The following MYOCD variants were observed in gnomAD, a reference collection of about 807,000 sequenced individuals.
The protein encoded by MYOCD is myocardin.
MYOCD carries 32 observed loss-of-function variants against 96.1 expected under a neutral mutation model. The ratio of observed to expected loss-of-function variants is 0.33; its 90% CI spans 0.25 to 0.45. The LOEUF (loss-of-function observed/expected upper bound fraction) is 0.45, where lower values mean the gene tolerates loss of function less well. Ranked by LOEUF, MYOCD falls within the 20% of genes least tolerant of loss-of-function variation. The pLI is 1.00. For synonymous variants in MYOCD, 469 were observed against 469.0 expected, an observed-to-expected ratio of 1.00 and a Z score of 0.00; for missense variants, 1,133 against 1,200.6, an observed-to-expected ratio of 0.94 and a Z score of 0.83.
chr17:12,754,706 G>A (rs9902289), intron 10 of MYOCD, among the ~76,000 whole-genome samples: 120,837 of 152,166 alleles, frequency 0.79, 50,098 homozygotes, highest in Non-Finnish European at 0.92. Flanking sequence ...GAAAGCCTAT[G>A]TAAGTCAAGT....
intron 4 of MYOCD, among the ~76,000 whole-genome samples, chr17:12,722,408 C>A (rs1001051202): frequency 3.3e-5 from 5 of 152,186 alleles, no homozygotes; most frequent in African/African-American, 4.8e-5. Flanking sequence ...TCGGTCACAG[C>A]ATTGACTAGT....
chr17:12,761,080 T>A (rs371133294), intron 13 of MYOCD: 1 of 175,936 alleles, frequency 5.7e-6, no homozygotes, highest in African/African-American at 2.3e-5. Context: ...CATTTTGTGC[T>A]ACCTACTCAA....
At chr17:12,703,592 C>A (rs1265769726) in intron 1 of MYOCD, among the ~76,000 whole-genome samples, 1 of 152,002 alleles carries the variant, frequency 6.6e-6, no homozygotes, top group African/African-American at 2.4e-5. Context: ...TGACATTAAT[C>A]TGCTCCACTT....
intron 1 of MYOCD, among the ~76,000 whole-genome samples, chr17:12,700,924 G>A (rs2031041463): frequency 6.6e-6 from 1 of 152,048 alleles, no homozygotes; most frequent in East Asian, 1.9e-4. Context: ...GTGTGGGGGG[G>A]TTATAATAAT....
At chr17:12,757,178 T>C (rs1007472445) in intron 11 of MYOCD, among the ~76,000 whole-genome samples, 1 of 152,072 alleles carries the variant, frequency 6.6e-6, no homozygotes, top group African/African-American at 2.4e-5. Flanking sequence ...AAGGAAGAGA[T>C]ATCACCCTTC....
chr17:12,742,576 A>T (rs980837670), intron 7 of MYOCD, among the ~76,000 whole-genome samples: 68 of 146,962 alleles, frequency 4.6e-4, no homozygotes, highest in Admixed American at 3.7e-3. Context: ...TTTGAAAATT[A>T]TTTTTTTTTT....
At chr17:12,738,682 T>C (rs549423501) in intron 6 of MYOCD, among the ~76,000 whole-genome samples, 16 of 151,994 alleles carry the variant, frequency 1.1e-4, no homozygotes, top group African/African-American at 3.6e-4. Flanking sequence ...ACACACACTT[T>C]CCCTTTTTCT....
chr17:12,743,025 G>A (rs896944391), intron 7 of MYOCD, among the ~76,000 whole-genome samples: 2 of 152,012 alleles, frequency 1.3e-5, no homozygotes, highest in Admixed American at 1.3e-4. Context: ...TCTTTATATT[G>A]ATTAGTGAGA....
chr17:12,750,831 T>A (rs1277514771), intron 9 of MYOCD, among the ~76,000 whole-genome samples: 1 of 152,248 alleles, frequency 6.6e-6, no homozygotes, highest in Non-Finnish European at 1.5e-5. Flanking sequence ...CATACATTAC[T>A]GTCCATATTT....
At chr17:12,666,375 T>C (rs1909376761) in intron 1 of MYOCD, 132 bp downstream of exon 1, 1 of 701,626 alleles carries the variant, frequency 1.4e-6, no homozygotes, top group Admixed American at 2.4e-5. Flanking sequence ...AAGCACATTG[T>C]GGAAGCGAAG....
At chr17:12,758,043 A>T (rs755763305) in intron 11 of MYOCD, 42 bp from the exon 12 acceptor site, 30 of 1,420,476 alleles carry the variant, frequency 2.1e-5, no homozygotes, top group Non-Finnish European at 2.7e-5. Flanking sequence ...ATAATTTCAG[A>T]TCCATGAATT....
rs202021197 is a variant in MYOCD at position 12,756,475 on chromosome 17, C to A, written c.2120C>A (p.Pro707Gln). ...TCTCCCCATTCTTCCAGCCTCCACC[C>A]GCCCTTCTCTGGAGCCCAAGCAGAC... ...SFSPHSSSLH[P>Q]PFSGAQADSS... Residue 707 changes from proline (P) to glutamine (Q), a missense_variant, in exon 11 of 14, where the codon CCG becomes CAG. By Grantham distance (76) the Pro-to-Gln change is moderately conservative. Coordinates refer to ENST00000425538, the MANE Select transcript of MYOCD (RefSeq NM_001146312.3). 7.7e-6 allele frequency: 12 copies of A among 1,551,976 alleles called. No homozygotes were observed. Among genetic ancestry groups the A allele is most frequent in the Non-Finnish European group, 1.0e-5 (12 of 1,147,084 alleles).
intron 5 of MYOCD, among the ~76,000 whole-genome samples, chr17:12,729,641 G>A (rs574723094): frequency 1.3e-5 from 2 of 151,936 alleles, no homozygotes; most frequent in African/African-American, 4.8e-5. Flanking sequence ...GCAATGGCGC[G>A]ATCTCTGCTC....
rs1909346961 is a variant in MYOCD at position 12,665,923 on chromosome 17, G to A, written c.-266G>A. 2.0e-6 allele frequency: 1 copy of A among 509,254 alleles called. No individual in the cohort carries two copies. The highest frequency in any genetic ancestry group is 3.4e-5 in the Admixed American group (1 of 29,382). 31.5% of individuals were successfully genotyped at this position (509,254 alleles called of 1,614,324 possible). A position where few individuals can be genotyped will look rare whatever the true frequency, so the allele number is the denominator to read the frequency against. ...GCAGCCTATGACATCAGACAGGAAC[G>A]CCTGGGATGCCGCGCTGCTCCTGGC... On this transcript the variant is annotated 5_prime_UTR_variant, in exon 1 of 14. Coordinates refer to ENST00000425538, the MANE Select transcript of MYOCD (RefSeq NM_001146312.3). The surrounding 1 kb of genome is among the most constrained non-coding windows in gnomAD (Gnocchi z 4.2).
At position 12,670,298 on chromosome 17, in the gene MYOCD, C is replaced by T. The variant is rs187056124; in HGVS notation, c.55+4055C>T. 3.7e-3 allele frequency among the ~76,000 whole-genome samples: 557 copies of T among 152,302 alleles called. 3 individuals are homozygous for T. The highest frequency in any genetic ancestry group is 5.7e-3 in the Non-Finnish European group (388 of 68,014). On this transcript the variant is annotated intron_variant, in intron 1 of 13. Transcript: ENST00000425538. ...GGCCCCTGGTGCCTGTAATTGGTTGCTTGTCCTTTCAGAGAGGGCAAGGGA... is the reference window on the plus strand; with the variant it reads ...GGCCCCTGGTGCCTGTAATTGGTTGTTTGTCCTTTCAGAGAGGGCAAGGGA...
At chr17:12,692,550 A>G (rs964734079) in intron 1 of MYOCD, among the ~76,000 whole-genome samples, 1 of 152,160 alleles carries the variant, frequency 6.6e-6, no homozygotes, top group Non-Finnish European at 1.5e-5. Context: ...AGTTAAATCT[A>G]TGTTTTCCGT....
At chr17:12,730,709 G>T (rs2032145711) in intron 5 of MYOCD, among the ~76,000 whole-genome samples, 1 of 152,096 alleles carries the variant, frequency 6.6e-6, no homozygotes, top group Non-Finnish European at 1.5e-5. Flanking sequence ...TCTCCCTTAG[G>T]ACACAAATTT....
chr17:12,691,058 G>C (rs1429288027), intron 1 of MYOCD, among the ~76,000 whole-genome samples: 1 of 152,140 alleles, frequency 6.6e-6, no homozygotes, highest in African/African-American at 2.4e-5. Flanking sequence ...TGCACATTCG[G>C]TAATGACCTT....
At chr17:12,758,286 C>T in intron 12 of MYOCD, 73 bp downstream of exon 12, 2 of 1,598,500 alleles carry the variant, frequency 1.3e-6, no homozygotes, top group Non-Finnish European at 8.5e-7. Flanking sequence ...TATGATTAAA[C>T]TTCACGCAGT....
Sources: allele counts gnomAD v4.1 joint callset (sites outside exome capture counted in the v4.1 genomes callset), GRCh38; gene constraint gnomAD v4.1.1; non-coding constraint Gnocchi (gnomAD v3.1); transcripts MANE v1.5; gene names NCBI Gene and HGNC (gene_info 2026-07-23, HGNC 2026-07-21).